Variants in KALRN observed in about 807,000 individuals in gnomAD.
KALRN encodes the protein kalirin.
In KALRN, 70 loss-of-function variants were observed where a neutral mutation model predicts 353.7. That is an observed-to-expected ratio of 0.20 (90% CI 0.16 to 0.24). KALRN has a LOEUF of 0.24. Ranked by LOEUF, KALRN falls within the 10% of genes least tolerant of loss-of-function variation. The pLI is 1.00. For missense variants in KALRN, 2,791 were observed against 3,756.7 expected (o/e 0.74, Z 6.72); for synonymous variants, 1,391 against 1,434.8 (o/e 0.97, Z 0.69).
intron 1 of KALRN, among the ~76,000 whole-genome samples, chr3:124,043,433 A>T (rs904017198): frequency 2.6e-5 from 4 of 152,096 alleles, no homozygotes; most frequent in African/African-American, 9.7e-5. Context: ...CAGAAGTAAT[A>T]GATTGAGGAA....
chr3:124,700,627 C>T lies in KALRN; in HGVS notation c.7996+594C>T, dbSNP rs2062276503. 2.0e-5 allele frequency among the ~76,000 whole-genome samples: 3 copies of T among 152,114 alleles called. 1 individual carries two copies. The South Asian group carries it at 6.2e-4, about 31-fold the overall frequency. The stretch of plus-strand genomic sequence containing the variant: ...TATTTTGCCCAAAACATCTTCGTCC[C>T]AGGGACATTTTGAAAGAGAAAACTT... On this transcript the variant is annotated intron_variant, in intron 56 of 59. Coordinates refer to ENST00000682506, the MANE Select transcript of KALRN (RefSeq NM_001388419.1).
chr3:124,580,751 C>T (rs1348880486), intron 34 of KALRN, among the ~76,000 whole-genome samples: 1 of 152,068 alleles, frequency 6.6e-6, no homozygotes, highest in Non-Finnish European at 1.5e-5. Context: ...AGTAGGCACT[C>T]AGTAAGTATT....
chr3:124,565,936 G>T (rs1192746992), intron 34 of KALRN, among the ~76,000 whole-genome samples: 1 of 152,190 alleles, frequency 6.6e-6, no homozygotes, highest in African/African-American at 2.4e-5. Flanking sequence ...AATAGGAGAT[G>T]AAGACCAGGA....
intron 45 of KALRN, among the ~76,000 whole-genome samples, chr3:124,664,418 T>TC (rs1231650283): frequency 6.6e-6 from 1 of 151,254 alleles, no homozygotes; most frequent in Admixed American, 6.6e-5. Context: ...ATCAAGCTTT[T>TC]TTTTTTTTTT....
At chr3:124,491,045 C>T (rs1230841895) in intron 30 of KALRN, among the ~76,000 whole-genome samples, 161 bp downstream of exon 30, 2 of 152,048 alleles carry the variant, frequency 1.3e-5, no homozygotes, top group East Asian at 3.9e-4. Context: ...CCCCACTCAC[C>T]TCCCACGTCT....
rs150865137 is a variant in KALRN at position 124,050,672 on chromosome 3, C to T, written c.73+16859C>T. Among the ~76,000 whole-genome samples the T allele has an allele frequency of 7.9e-5, 12 of 152,240 alleles. No individual in the cohort carries two copies. The East Asian group carries it at 1.9e-3, about 25-fold the overall frequency. On this transcript the variant is annotated intron_variant, in intron 1 of 59. Transcript: ENST00000682506. ...ATTTTTCCCATGTTCCCCAGATGCC[C>T]GAGGAAAAGGGCTTTCCCTCTTTCC...
chr3:124,174,752 A>G (rs536932667), intron 1 of KALRN, among the ~76,000 whole-genome samples: 4 of 152,228 alleles, frequency 2.6e-5, no homozygotes, highest in Non-Finnish European at 5.9e-5. Flanking sequence ...CCCCTTGTCA[A>G]TGGAGCATAT....
intron 53 of KALRN, among the ~76,000 whole-genome samples, chr3:124,695,530 A>C (rs2062012780): frequency 6.6e-6 from 1 of 152,118 alleles, no homozygotes; most frequent in Non-Finnish European, 1.5e-5. Context: ...GGATATCATA[A>C]CCCTAGGGAA....
chr3:124,484,095 C>T (rs1039756417), intron 28 of KALRN, among the ~76,000 whole-genome samples: 1 of 152,202 alleles, frequency 6.6e-6, no homozygotes, highest in African/African-American at 2.4e-5. Flanking sequence ...TGATGTAATT[C>T]AGCTCATGTT....
At chr3:124,566,279 T>C (rs1334484883) in intron 34 of KALRN, among the ~76,000 whole-genome samples, 4 of 152,094 alleles carry the variant, frequency 2.6e-5, no homozygotes, top group East Asian at 1.9e-4. Context: ...AGCAGGTGGA[T>C]TGCTCAGGCT....
chr3:124,718,816 T>A, intron 59 of KALRN, 109 bp from the exon 60 acceptor site: 5 of 1,035,682 alleles, frequency 4.8e-6, no homozygotes, highest in Non-Finnish European at 7.2e-6. Flanking sequence ...CACCATAGGC[T>A]TTATCAAAGA....
At chr3:124,329,684 T>C (rs1351146728) in intron 7 of KALRN, among the ~76,000 whole-genome samples, 177 bp from the exon 8 acceptor site, 2 of 152,120 alleles carry the variant, frequency 1.3e-5, no homozygotes, top group African/African-American at 2.4e-5. Context: ...CTGGGTCTGA[T>C]TTCTTACTAG....
intron 33 of KALRN, among the ~76,000 whole-genome samples, chr3:124,503,517 A>C (rs1374863525): frequency 6.6e-6 from 1 of 151,580 alleles, no homozygotes; most frequent in Non-Finnish European, 1.5e-5. Context: ...CTTTCTTCCC[A>C]GTATAGTTCC....
chr3:124,321,309 A>C (rs553097900), intron 6 of KALRN, among the ~76,000 whole-genome samples: 1 of 152,370 alleles, frequency 6.6e-6, no homozygotes, highest in Non-Finnish European at 1.5e-5. Context: ...TCAGCCCCTG[A>C]CACATAACTT....
At chr3:124,327,212 A>G (rs2080008906) in intron 7 of KALRN, among the ~76,000 whole-genome samples, 1 of 152,240 alleles carries the variant, frequency 6.6e-6, no homozygotes, top group Non-Finnish European at 1.5e-5. Context: ...TGTCCTGTGT[A>G]TAGCTGTTAC....
intron 1 of KALRN, among the ~76,000 whole-genome samples, chr3:124,220,846 C>T (rs551473696): frequency 6.6e-6 from 1 of 152,322 alleles, no homozygotes; most frequent in African/African-American, 2.4e-5. Flanking sequence ...CTACCACTAA[C>T]CTCAGCAGGG....
chr3:124,491,281 C>T, intron 30 of KALRN, 42 bp from the exon 31 acceptor site: 1 of 1,417,550 alleles, frequency 7.1e-7, no homozygotes. Flanking sequence ...TTCCCCACTG[C>T]CCTCCCCTTC....
chr3:124,459,297 G>A (rs1356201306), intron 23 of KALRN, among the ~76,000 whole-genome samples: 1 of 152,152 alleles, frequency 6.6e-6, no homozygotes, highest in Non-Finnish European at 1.5e-5. Context: ...TGAGGCAGAG[G>A]AAAATAGGCA....
intron 1 of KALRN, among the ~76,000 whole-genome samples, chr3:124,148,917 G>A (rs1296871665): frequency 6.6e-6 from 1 of 151,992 alleles, no homozygotes; most frequent in Non-Finnish European, 1.5e-5. Flanking sequence ...TTTTAGTTGG[G>A]GAGAAGAGAA....
Sources: gnomAD v4.1 joint callset for allele counts (sites outside exome capture counted in the v4.1 genomes callset) on GRCh38, gnomAD v4.1.1 for gene constraint, MANE v1.5 for transcripts, NCBI Gene and HGNC (gene_info 2026-07-23, HGNC 2026-07-21) for gene names.